EPHA3: variants seen among roughly 807,000 people sequenced by gnomAD.
EPHA3 encodes the protein ephrin type-A receptor 3.
EPHA3 carries 42 observed loss-of-function variants against 107.1 expected under a neutral mutation model. The observed-to-expected ratio is 0.39, with a 90% CI of 0.31 to 0.51. EPHA3 has a LOEUF of 0.51. Among genes scored for constraint, EPHA3 ranks in the 20% least tolerant of loss-of-function variants. EPHA3 has a pLI of 0.78. For synonymous variants in EPHA3, 461 were observed against 424.8 expected, an observed-to-expected ratio of 1.09 and a Z score of -1.05; for missense variants, 1,183 against 1,211.2, an observed-to-expected ratio of 0.98 and a Z score of 0.35.
At chr3:89,156,015 T>G (rs767175120) in intron 2 of EPHA3, among the ~76,000 whole-genome samples, 2 of 151,990 alleles carry the variant, frequency 1.3e-5, no homozygotes, top group Non-Finnish European at 2.9e-5. Flanking sequence ...TGATGAACAG[T>G]GTGGTGATTG....
chr3:89,354,575 C>T (rs1222156143), intron 5 of EPHA3, among the ~76,000 whole-genome samples: 1 of 151,094 alleles, frequency 6.6e-6, no homozygotes, highest in Non-Finnish European at 1.5e-5. Context: ...TGAGGTATGG[C>T]ACCCCTATAA....
intron 3 of EPHA3, among the ~76,000 whole-genome samples, chr3:89,328,594 T>C (rs1209649180): frequency 6.6e-6 from 1 of 152,212 alleles, no homozygotes; most frequent in Non-Finnish European, 1.5e-5. Flanking sequence ...GTTGTTCTTT[T>C]ACAGTTTTAC....
chr3:89,305,900 T>C (rs1233804974), intron 3 of EPHA3, among the ~76,000 whole-genome samples: 1 of 152,136 alleles, frequency 6.6e-6, no homozygotes, highest in Non-Finnish European at 1.5e-5. Flanking sequence ...CATACCGAAG[T>C]AATTTTTATG....
intron 3 of EPHA3, among the ~76,000 whole-genome samples, chr3:89,273,649 GA>G (rs1373788498): frequency 6.6e-6 from 1 of 151,742 alleles, no homozygotes; most frequent in Non-Finnish European, 1.5e-5. Flanking sequence ...GCTCCTAGGG[GA>G]AATACAAGTT....
chr3:89,224,318 G>A (rs1704449404), intron 3 of EPHA3, among the ~76,000 whole-genome samples: 1 of 152,114 alleles, frequency 6.6e-6, no homozygotes, highest in Admixed American at 6.5e-5. Context: ...TAAATATTGA[G>A]GTTGCCAGGG....
chr3:89,265,919 T>A (rs1366641212), intron 3 of EPHA3, among the ~76,000 whole-genome samples: 1 of 152,156 alleles, frequency 6.6e-6, no homozygotes, highest in Non-Finnish European at 1.5e-5. Context: ...CACAAGGTAA[T>A]TTCTATTTCT....
chr3:89,235,821 A>T (rs1704745304), intron 3 of EPHA3, among the ~76,000 whole-genome samples: 2 of 151,886 alleles, frequency 1.3e-5, no homozygotes, highest in Admixed American at 6.6e-5. Context: ...AAGTAAAAAA[A>T]GTTACAAACT....
chr3:89,392,051 C>T (rs533015987), intron 5 of EPHA3, among the ~76,000 whole-genome samples: 1 of 152,088 alleles, frequency 6.6e-6, no homozygotes, highest in Non-Finnish European at 1.5e-5. Context: ...AATGCCTGCA[C>T]CAGTTTCTCA....
intron 3 of EPHA3, among the ~76,000 whole-genome samples, chr3:89,319,163 C>A (rs1706981563): frequency 6.6e-6 from 1 of 151,880 alleles, no homozygotes; most frequent in African/African-American, 2.4e-5. Flanking sequence ...CCATTTTCTT[C>A]TTTTACTCCT....
chr3:89,471,803 A>G (rs1710409301), intron 15 of EPHA3, among the ~76,000 whole-genome samples: 2 of 152,150 alleles, frequency 1.3e-5, no homozygotes, highest in Non-Finnish European at 2.9e-5. Context: ...AACACATTAC[A>G]TATATAATGT....
chr3:89,281,648 A>G (rs12633279), intron 3 of EPHA3, among the ~76,000 whole-genome samples: 1 of 152,200 alleles, frequency 6.6e-6, no homozygotes, highest in African/African-American at 2.4e-5. Flanking sequence ...AATTTTATTT[A>G]AAAAGTAATG....
intron 2 of EPHA3, among the ~76,000 whole-genome samples, chr3:89,169,893 C>T (rs755033435): frequency 5.9e-5 from 9 of 152,186 alleles, no homozygotes; most frequent in South Asian, 4.2e-4. Flanking sequence ...TAATTAGATA[C>T]AGTTACTGGT....
At chr3:89,118,440 A>G (rs543979333) in intron 1 of EPHA3, among the ~76,000 whole-genome samples, 1 of 152,108 alleles carries the variant, frequency 6.6e-6, no homozygotes, top group African/African-American at 2.4e-5. Context: ...TGAGAGGAAG[A>G]AAACTAAAAA....
intron 2 of EPHA3, among the ~76,000 whole-genome samples, chr3:89,133,103 T>C (rs1252567193): frequency 6.6e-6 from 1 of 152,200 alleles, no homozygotes; most frequent in Non-Finnish European, 1.5e-5. Flanking sequence ...GGTTCTCCCA[T>C]TTTAATTCAA....
At chr3:89,241,667 A>G (rs1704898765) in intron 3 of EPHA3, among the ~76,000 whole-genome samples, 1 of 152,058 alleles carries the variant, frequency 6.6e-6, no homozygotes, top group Non-Finnish European at 1.5e-5. Flanking sequence ...AAAATGAGAA[A>G]ATCTAGATGG....
At chr3:89,466,803 G>C (rs547772050) in intron 15 of EPHA3, among the ~76,000 whole-genome samples, 1 of 118,444 alleles carries the variant, frequency 8.4e-6, no homozygotes, top group Non-Finnish European at 1.9e-5. Context: ...CGTCGCTCAC[G>C]CTGGGAGCTG....
At position 89,206,926 on chromosome 3, in the gene EPHA3, C is replaced by T. The variant is rs1000159591; in HGVS notation, c.154-2934C>T. Among the ~76,000 whole-genome samples the T allele has an allele frequency of 4.6e-5, 7 of 151,812 alleles. No homozygotes were observed. In the South Asian group the frequency reaches 6.2e-4, roughly 14 times the overall value. On this transcript the variant is annotated intron_variant, in intron 2 of 16. Transcript: ENST00000336596. ...CTTCTAAAATAGTCTCAACTTGTTT[C>T]GTTGTTGAATCTCGGATGTGACAAT...
intron 5 of EPHA3, among the ~76,000 whole-genome samples, chr3:89,366,809 G>T (rs1348085649): frequency 6.6e-6 from 1 of 150,478 alleles, no homozygotes; most frequent in Non-Finnish European, 1.5e-5. Flanking sequence ...GGGAATTGTT[G>T]TTCACTTTGT....
intron 2 of EPHA3, among the ~76,000 whole-genome samples, chr3:89,184,704 CA>C (rs1193395783): frequency 6.6e-6 from 1 of 151,914 alleles, no homozygotes; most frequent in East Asian, 1.9e-4. Flanking sequence ...CAAAAGGAAG[CA>C]AAACTCTTGA....
Sources: gnomAD v4.1 joint callset for allele counts (sites outside exome capture counted in the v4.1 genomes callset) on GRCh38, gnomAD v4.1.1 for gene constraint, MANE v1.5 for transcripts, NCBI Gene and HGNC (gene_info 2026-07-23, HGNC 2026-07-21) for gene names.